KCNH7: variants seen among roughly 807,000 people sequenced by gnomAD.
KCNH7 encodes the protein voltage-gated inwardly rectifying potassium channel KCNH7.
In KCNH7, 49 loss-of-function variants were observed where a neutral mutation model predicts 120.8. That is an observed-to-expected ratio of 0.41 (90% CI 0.32 to 0.51). The LOEUF (loss-of-function observed/expected upper bound fraction) is 0.51, where lower values mean the gene tolerates loss of function less well. Ranked by LOEUF, KCNH7 falls within the 20% of genes least tolerant of loss-of-function variation. The pLI is 0.38. For missense variants in KCNH7, 1,097 were observed against 1,446.6 expected, an observed-to-expected ratio of 0.76 and a Z score of 3.92; for synonymous variants, 547 against 516.1, an observed-to-expected ratio of 1.06 and a Z score of -0.81.
At chr2:162,514,217 T>C (rs1451512374) in intron 4 of KCNH7, among the ~76,000 whole-genome samples, 1 of 151,774 alleles carries the variant, frequency 6.6e-6, no homozygotes, top group East Asian at 1.9e-4. Context: ...GACAAAGATA[T>C]ACAAATAAAA....
At chr2:162,654,312 T>C (rs2105265214) in intron 2 of KCNH7, among the ~76,000 whole-genome samples, 1 of 150,896 alleles carries the variant, frequency 6.6e-6, no homozygotes, top group Admixed American at 6.6e-5. Context: ...AAATAAATAA[T>C]CCAATCATTT....
At chr2:162,459,877 C>T (rs1213065463) in intron 6 of KCNH7, among the ~76,000 whole-genome samples, 1 of 151,802 alleles carries the variant, frequency 6.6e-6, no homozygotes, top group African/African-American at 2.4e-5. Flanking sequence ...GGGCAGATGA[C>T]GAGGTCAAGA....
At chr2:162,604,732 G>A (rs896624623) in intron 2 of KCNH7, among the ~76,000 whole-genome samples, 5 of 151,844 alleles carry the variant, frequency 3.3e-5, no homozygotes, top group Non-Finnish European at 7.4e-5. Flanking sequence ...TCTATTTATC[G>A]TTTTTGATTT....
At chr2:162,478,815 T>C (rs932477673) in intron 6 of KCNH7, among the ~76,000 whole-genome samples, 2 of 152,162 alleles carry the variant, frequency 1.3e-5, no homozygotes, top group Non-Finnish European at 1.5e-5. Context: ...CCGTGTAAGG[T>C]AGGCCCTCGG....
intron 15 of KCNH7, among the ~76,000 whole-genome samples, chr2:162,372,528 CAAAG>C (rs1685992989): frequency 1.3e-5 from 2 of 151,986 alleles, no homozygotes; most frequent in African/African-American, 4.8e-5. Flanking sequence ...CCACTGAAAA[CAAAG>C]AACAAAATAG....
chr2:162,550,852 T>C (rs1692644516), intron 2 of KCNH7, among the ~76,000 whole-genome samples: 1 of 151,262 alleles, frequency 6.6e-6, no homozygotes, highest in African/African-American at 2.4e-5. Context: ...GAGCTGAATA[T>C]GGTAGACAAA....
chr2:162,725,237 A>G (rs1173963671), intron 2 of KCNH7, among the ~76,000 whole-genome samples: 1 of 152,202 alleles, frequency 6.6e-6, no homozygotes. Flanking sequence ...AATTAATCAT[A>G]TTCCTATTGT....
intron 6 of KCNH7, among the ~76,000 whole-genome samples, chr2:162,449,398 A>G (rs1183445312): frequency 1.3e-5 from 2 of 152,054 alleles, no homozygotes; most frequent in African/African-American, 4.8e-5. Context: ...TCTTAATATG[A>G]CTTGTGGGTT....
intron 12 of KCNH7, among the ~76,000 whole-genome samples, chr2:162,387,564 G>C (rs1049868418): frequency 6.6e-6 from 1 of 151,146 alleles, no homozygotes; most frequent in Non-Finnish European, 1.5e-5. Context: ...AATCTTTCCT[G>C]TTACCATCAT....
intron 6 of KCNH7, among the ~76,000 whole-genome samples, chr2:162,483,655 C>T (rs1351830977): frequency 6.6e-6 from 1 of 151,834 alleles, no homozygotes; most frequent in African/African-American, 2.4e-5. Flanking sequence ...GGTATATTTT[C>T]AGAACAAATG....
chr2:162,531,572 G>A (rs1691926674), intron 3 of KCNH7, among the ~76,000 whole-genome samples: 6 of 151,966 alleles, frequency 3.9e-5, no homozygotes, highest in Non-Finnish European at 1.5e-5. Flanking sequence ...TTAGTGGAAA[G>A]TATAAGAAAA....
At chr2:162,659,743 G>GT (rs1177216515) in intron 2 of KCNH7, among the ~76,000 whole-genome samples, 8 of 151,986 alleles carry the variant, frequency 5.3e-5, no homozygotes, top group African/African-American at 1.5e-4. Context: ...TTGGTCTCTA[G>GT]TTTTTTTTCT....
chr2:162,632,055 T>C (rs940202168), intron 2 of KCNH7, among the ~76,000 whole-genome samples: 1 of 151,958 alleles, frequency 6.6e-6, no homozygotes, highest in Non-Finnish European at 1.5e-5. Flanking sequence ...AAAAAATGAA[T>C]GTATAAATGT....
At chr2:162,414,140 G>A (rs1687473929) in intron 9 of KCNH7, among the ~76,000 whole-genome samples, 1 of 151,896 alleles carries the variant, frequency 6.6e-6, no homozygotes, top group Non-Finnish European at 1.5e-5. Context: ...TAAAGGGAAG[G>A]GGGAAAAGTA....
intron 2 of KCNH7, among the ~76,000 whole-genome samples, chr2:162,576,903 CTTCTTTAT>C (rs911306119): frequency 8.6e-5 from 13 of 150,372 alleles, no homozygotes; most frequent in African/African-American, 2.7e-4. Context: ...TATTCTTTTT[CTTCTTTAT>C]TTATTTATTT....
chr2:162,680,319 A>C (rs1685669306), intron 2 of KCNH7, among the ~76,000 whole-genome samples: 1 of 151,752 alleles, frequency 6.6e-6, no homozygotes, highest in African/African-American at 2.4e-5. Context: ...ACCGAGTCAC[A>C]TGAAAAAGCA....
intron 2 of KCNH7, among the ~76,000 whole-genome samples, chr2:162,778,946 C>CT (rs200107249): frequency 0.44 from 60,471 of 136,330 alleles, 14,835 homozygotes; most frequent in African/African-American, 0.69. Flanking sequence ...GGAACAAATT[C>CT]TTTTTTTTTT....
chr2:162,754,046 C>T (rs1195408012), intron 2 of KCNH7, among the ~76,000 whole-genome samples: 1 of 151,958 alleles, frequency 6.6e-6, no homozygotes, highest in Non-Finnish European at 1.5e-5. Flanking sequence ...TATCCAAATA[C>T]AAGAGAATAA....
At chr2:162,468,143 C>A (rs1486853066) in intron 6 of KCNH7, among the ~76,000 whole-genome samples, 1 of 152,104 alleles carries the variant, frequency 6.6e-6, no homozygotes. Flanking sequence ...GTCATCCTGG[C>A]ACTGGTGGGC....
Sources: allele counts gnomAD v4.1 joint callset (sites outside exome capture counted in the v4.1 genomes callset), GRCh38; gene constraint gnomAD v4.1.1; transcripts MANE v1.5; gene names NCBI Gene and HGNC (gene_info 2026-07-23, HGNC 2026-07-21).